Variants in RASSF5 observed in about 807,000 individuals in gnomAD.
The protein encoded by RASSF5 is Ras association domain family member 5.
RASSF5 carries 25 observed loss-of-function variants against 40.5 expected under a neutral mutation model. That is an observed-to-expected ratio of 0.62 (90% CI 0.45 to 0.86). The LOEUF (loss-of-function observed/expected upper bound fraction) is 0.86, where lower values mean the gene tolerates loss of function less well. Ranked by LOEUF, RASSF5 falls within the 40% of genes least tolerant of loss-of-function variation. The pLI, the probability that RASSF5 is intolerant of heterozygous loss-of-function variation, is 0.00. For missense variants in RASSF5, 521 were observed against 572.8 expected, an observed-to-expected ratio of 0.91 and a Z score of 0.92; for synonymous variants, 246 against 252.4, an observed-to-expected ratio of 0.97 and a Z score of 0.24.
chr1:206,587,310 A>G lies in RASSF5; in HGVS notation c.*332A>G, dbSNP rs1051223324. 2.5e-5 allele frequency: 9 copies of G among 354,970 alleles called. No homozygotes were observed. Among genetic ancestry groups the G allele is most frequent in the South Asian group, 1.8e-4 (8 of 43,746 alleles). 22.0% of individuals were successfully genotyped at this position (354,970 alleles called of 1,614,324 possible). ...AACTGGAACCTCACACCAGCCGGCA[A>G]AGGAAGGAAGAAAGGTTTTAGAGCT... On this transcript the variant is annotated 3_prime_UTR_variant, in exon 6 of 6. Coordinates refer to ENST00000579436, the MANE Select transcript of RASSF5 (RefSeq NM_182663.4).
intron 2 of RASSF5, among the ~76,000 whole-genome samples, chr1:206,555,394 C>G (rs1480415742): frequency 1.3e-5 from 2 of 151,996 alleles, no homozygotes; most frequent in Non-Finnish European, 2.9e-5. Context: ...TATTAGATTC[C>G]CACTGAGCAA....
chr1:206,507,836 A>ACCCGCTCG lies in RASSF5; in HGVS notation c.242_249dup (p.Arg84AlafsTer85), dbSNP rs1312353434. The ACCCGCTCG allele has an allele frequency of 1.4e-5, 20 of 1,443,432 alleles. No individual in the cohort carries two copies. The highest frequency in any genetic ancestry group is 1.7e-5 in the Non-Finnish European group (19 of 1,104,812). 89.4% of individuals were successfully genotyped at this position (1,443,432 alleles called of 1,614,324 possible). ...TGGAGCCCCCGCCCCGGGCCTCCCG[A>ACCCGCTCG]CCCGCTCGCCCGCTCCGGCCTGGTC... On this transcript the variant is annotated frameshift_variant, in exon 1 of 6. Coordinates refer to ENST00000579436, the MANE Select transcript of RASSF5 (RefSeq NM_182663.4). LOFTEE classifies it high-confidence loss of function.
chr1:206,534,336 T>G (rs554792460), intron 1 of RASSF5, among the ~76,000 whole-genome samples: 152,287 of 152,308 alleles, frequency 1, 76,133 homozygotes, highest in Middle Eastern at 1. Context: ...AGGGATAGGG[T>G]CTGTCATTGG....
intron 2 of RASSF5, among the ~76,000 whole-genome samples, chr1:206,564,812 T>C (rs782021401): frequency 3.9e-5 from 6 of 152,122 alleles, no homozygotes; most frequent in Non-Finnish European, 8.8e-5. Flanking sequence ...GAGGATGAGA[T>C]AAAGTGCCAC....
chr1:206,583,471 C>A, intron 3 of RASSF5, 92 bp downstream of exon 3: 1 of 858,042 alleles, frequency 1.2e-6, no homozygotes, highest in Non-Finnish European at 2.0e-6. Context: ...TGTGGCTACT[C>A]CCTGGCAGGT....
chr1:206,557,671 C>A (rs782126968), intron 2 of RASSF5: 3 of 1,614,082 alleles, frequency 1.9e-6, no homozygotes, highest in Non-Finnish European at 2.5e-6. Flanking sequence ...TTCAGAAATG[C>A]GCAGAGCAAA....
At chr1:206,516,244 G>A (rs1033934339) in intron 1 of RASSF5, among the ~76,000 whole-genome samples, 1 of 152,158 alleles carries the variant, frequency 6.6e-6, no homozygotes, top group African/African-American at 2.4e-5. Flanking sequence ...CATCATTACA[G>A]TAGAAAAATC....
chr1:206,547,981 T>C (rs1553400527), intron 2 of RASSF5, among the ~76,000 whole-genome samples: 1 of 152,208 alleles, frequency 6.6e-6, no homozygotes, highest in Admixed American at 6.5e-5. Context: ...ACTTTCCATG[T>C]CTGAAAAAGT....
intron 2 of RASSF5, among the ~76,000 whole-genome samples, chr1:206,556,853 G>C (rs1553401823): frequency 6.6e-6 from 1 of 152,148 alleles, no homozygotes; most frequent in African/African-American, 2.4e-5. Flanking sequence ...TGAGGAAGTG[G>C]ATGGGGGAGA....
intron 1 of RASSF5, among the ~76,000 whole-genome samples, chr1:206,512,736 T>A (rs1022775449): frequency 6.6e-6 from 1 of 152,208 alleles, no homozygotes; most frequent in African/African-American, 2.4e-5. Context: ...GTCAGGGAGC[T>A]ACCTCCTGTG....
chr1:206,511,494 AAAC>A (rs539989762), intron 1 of RASSF5, among the ~76,000 whole-genome samples: 2 of 152,320 alleles, frequency 1.3e-5, no homozygotes, highest in South Asian at 4.1e-4. Flanking sequence ...AGCCTGACTC[AAAC>A]CCTCCTGGAG....
At chr1:206,554,479 A>G (rs533024522) in intron 2 of RASSF5, among the ~76,000 whole-genome samples, 6 of 152,340 alleles carry the variant, frequency 3.9e-5, no homozygotes, top group South Asian at 2.1e-4. Context: ...CATCATTTCA[A>G]TGGGGCTTTC....
chr1:206,563,337 T>C (rs954844876), intron 2 of RASSF5, among the ~76,000 whole-genome samples: 3 of 152,220 alleles, frequency 2.0e-5, no homozygotes, highest in Non-Finnish European at 4.4e-5. Context: ...TGGGAAGCTC[T>C]GCTCATAACT....
Position 206,589,275 on chromosome 1 carries a change from ACT to A in RASSF5, c.*2299_*2300del, listed in dbSNP as rs1669265520. ...GTAATAAAAGCCTGTTGCAAAAATG[ACT>A]CATGTTAGAAACGTCTCCCTTGAAC... On this transcript the variant is annotated 3_prime_UTR_variant, in exon 6 of 6. Coordinates refer to ENST00000579436, the MANE Select transcript of RASSF5 (RefSeq NM_182663.4). 1 of 152,642 alleles carries A rather than the reference ACT, an allele frequency of 6.6e-6. No individual in the cohort carries two copies. The allele number at this position is 152,642 out of a possible 1,614,324, so 9.5% of individuals were successfully genotyped here. A position where few individuals can be genotyped will look rare whatever the true frequency, so the allele number is the denominator to read the frequency against.
intron 1 of RASSF5, among the ~76,000 whole-genome samples, chr1:206,517,404 C>T (rs1666778579): frequency 6.6e-6 from 1 of 152,006 alleles, no homozygotes; most frequent in Non-Finnish European, 1.5e-5. Context: ...CCCAGGAGGT[C>T]GAGGCTGCAG....
intron 2 of RASSF5, among the ~76,000 whole-genome samples, chr1:206,553,911 A>G (rs1034101425): frequency 7.9e-5 from 12 of 152,246 alleles, no homozygotes; most frequent in Admixed American, 6.5e-4. Context: ...CGGAATTGAT[A>G]TCTGGCTCCA....
rs540740544 is a variant in RASSF5 at position 206,588,659 on chromosome 1, C to T, written c.*1681C>T. On this transcript the variant is annotated 3_prime_UTR_variant, in exon 6 of 6. Coordinates refer to ENST00000579436, the MANE Select transcript of RASSF5 (RefSeq NM_182663.4). ...GATCCCAGAAGGAATGCTGACCCCT[C>T]GTCGTATGAACTGTGCATAGTCTCC... is the stretch of plus-strand genomic sequence containing the variant. The T allele has an allele frequency of 6.6e-6, 1 of 152,534 alleles. No homozygotes were observed. Among genetic ancestry groups the T allele is most frequent in the African/African-American group, 2.4e-5 (1 of 41,564 alleles). 9.4% of individuals were successfully genotyped at this position (152,534 alleles called of 1,614,324 possible). A position where few individuals can be genotyped will look rare whatever the true frequency, so the allele number is the denominator to read the frequency against.
In RASSF5 at chr1:206,513,031, G is replaced by A. The variant is rs1005375322; in HGVS notation, c.457+4972G>A. 1.3e-5 allele frequency among the ~76,000 whole-genome samples: 2 copies of A among 152,156 alleles called. No homozygotes were observed. The highest frequency in any genetic ancestry group is 2.9e-5 in the Non-Finnish European group (2 of 68,032). ...GTGGTAAAGTTAGAACCTCTCGGGC[G>A]GGCCTCATTCTGACAGGTCTTCAAG... On this transcript the variant is annotated intron_variant, in intron 1 of 5. Transcript: ENST00000579436. The surrounding 1 kb of genome is among the most constrained non-coding windows in gnomAD (Gnocchi z 5.0).
chr1:206,510,925 C>T (rs1666598805), intron 1 of RASSF5, among the ~76,000 whole-genome samples: 1 of 152,060 alleles, frequency 6.6e-6, no homozygotes, highest in Non-Finnish European at 1.5e-5. Flanking sequence ...ATCTGTCTGC[C>T]CAGGAGACTG....
Sources: gnomAD v4.1 joint callset for allele counts (sites outside exome capture counted in the v4.1 genomes callset) on GRCh38, gnomAD v4.1.1 for gene constraint, Gnocchi (gnomAD v3.1) non-coding constraint, MANE v1.5 for transcripts, NCBI Gene and HGNC (gene_info 2026-07-23, HGNC 2026-07-21) for gene names.